The following SKA2 variants were observed in gnomAD, a reference collection of about 807,000 sequenced individuals.
SKA2 encodes the protein spindle and kinetochore associated complex subunit 2.
Under a neutral mutation model 16.9 loss-of-function variants are expected in SKA2, and 13 were observed. That is an observed-to-expected ratio of 0.77 (90% confidence interval 0.50 to 1.22). The LOEUF is 1.22. Ranked by LOEUF, SKA2 falls within the 50% of genes most tolerant of loss-of-function variation. The probability of loss-of-function intolerance (pLI) is 0.00; values close to 1 mark genes in which losing one functional copy is unlikely to be tolerated. For missense variants in SKA2, 107 were observed against 139.7 expected, an observed-to-expected ratio of 0.77 and a Z score of 1.18; for synonymous variants, 47 against 48.5, an observed-to-expected ratio of 0.97 and a Z score of 0.13.
intron 1 of SKA2, among the ~76,000 whole-genome samples, chr17:59,150,755 A>AG (rs933727598): frequency 1.1e-4 from 17 of 152,178 alleles, no homozygotes; most frequent in Non-Finnish European, 2.5e-4. Context: ...AGAAAAAAAA[A>AG]TGACTTGGGG....
chr17:59,130,629 A>C (rs2046406091), intron 2 of SKA2, among the ~76,000 whole-genome samples: 1 of 151,630 alleles, frequency 6.6e-6, no homozygotes, highest in South Asian at 2.1e-4. Context: ...TCCGTCTCAA[A>C]AAAAAAAAAA....
Position 59,111,354 on chromosome 17 carries a change from AATGTGTATGT to A in SKA2, c.*913_*922del, listed in dbSNP as rs1183004796. On this transcript the variant is annotated 3_prime_UTR_variant, in exon 4 of 4. Coordinates refer to ENST00000330137, the MANE Select transcript of SKA2 (RefSeq NM_182620.4). ...TTTCCTATTCACCTAGTACTAGCCA[AATGTGTATGT>A]ATATTGCTATTATAAACAACCCTGT... 1.3e-5 allele frequency: 2 copies of A among 152,212 alleles called. No individual in the cohort carries two copies. The highest frequency in any genetic ancestry group is 2.9e-5 in the Non-Finnish European group (2 of 68,032). The allele number at this position is 152,212 out of a possible 1,614,324, so 9.4% of individuals were successfully genotyped here.
In SKA2 at chr17:59,150,813, C is replaced by G. The variant is rs560274348; in HGVS notation, c.33+4318G>C. 4.6e-5 allele frequency among the ~76,000 whole-genome samples: 7 copies of G among 152,184 alleles called. No homozygotes were observed. In the South Asian group the frequency reaches 1.5e-3, roughly 32 times the overall value. On this transcript the variant is annotated intron_variant, in intron 1 of 3. Transcript: ENST00000330137. ...ACAGCAGAAATTGTTTCCATCACTACCAATTCATCATAAAACTCAAATAAA... is the reference window on the plus strand; with the variant it reads ...ACAGCAGAAATTGTTTCCATCACTAGCAATTCATCATAAAACTCAAATAAA...
At chr17:59,151,307 A>G in intron 1 of SKA2, 1 of 427,184 alleles carries the variant, frequency 2.3e-6, no homozygotes, top group South Asian at 1.8e-5. Context: ...GCCATTTTGG[A>G]CAGAAAAACA....
intron 2 of SKA2, chr17:59,124,479 A>T (rs988581793): frequency 2.0e-5 from 3 of 152,016 alleles, no homozygotes; most frequent in Non-Finnish European, 4.4e-5. Context: ...GGTAGGAGGG[A>T]AGAAGTCATC....
At chr17:59,134,453 A>C (rs1203044888) in intron 1 of SKA2, among the ~76,000 whole-genome samples, 1 of 152,328 alleles carries the variant, frequency 6.6e-6, no homozygotes, top group East Asian at 1.9e-4. Context: ...AGAAACCCTT[A>C]ACATGTTTAT....
chr17:59,116,166 T>A lies in SKA2; in HGVS notation c.297+3153A>T, dbSNP rs541965450. Among the ~76,000 whole-genome samples the A allele has an allele frequency of 2.0e-5, 3 of 152,094 alleles. No homozygotes were observed. The South Asian group carries it at 6.2e-4, about 32-fold the overall frequency. On this transcript the variant is annotated intron_variant, in intron 3 of 3. Coordinates refer to ENST00000330137, the MANE Select transcript of SKA2 (RefSeq NM_182620.4). ...CAGGTGGATCACTTGCAGTCAGGAGTTCGAGACCAGCCTGGCCAACTTGGT... is the reference window on the plus strand; with the variant it reads ...CAGGTGGATCACTTGCAGTCAGGAGATCGAGACCAGCCTGGCCAACTTGGT...
chr17:59,139,192 T>C (rs992501307), intron 1 of SKA2, among the ~76,000 whole-genome samples: 12 of 151,950 alleles, frequency 7.9e-5, no homozygotes, highest in Admixed American at 7.9e-4. Context: ...GGTCAGGAGA[T>C]TGAGACCATC....
chr17:59,137,161 C>T (rs1325583894), intron 1 of SKA2, among the ~76,000 whole-genome samples: 4 of 152,042 alleles, frequency 2.6e-5, no homozygotes, highest in Non-Finnish European at 5.9e-5. Flanking sequence ...GGACTACAGA[C>T]GTGCACTACC....
At chr17:59,128,385 G>A (rs1234036033) in intron 2 of SKA2, among the ~76,000 whole-genome samples, 1 of 152,010 alleles carries the variant, frequency 6.6e-6, no homozygotes, top group Non-Finnish European at 1.5e-5. Flanking sequence ...AGCACTTTGG[G>A]AGGCCGAGGA....
At chr17:59,140,161 T>C (rs2046477021) in intron 1 of SKA2, among the ~76,000 whole-genome samples, 1 of 151,932 alleles carries the variant, frequency 6.6e-6, no homozygotes, top group Non-Finnish European at 1.5e-5. Context: ...ACATGTTATT[T>C]CAGGCAATTG....
chr17:59,113,156 G>C (rs1234348587), intron 3 of SKA2, among the ~76,000 whole-genome samples: 2 of 151,832 alleles, frequency 1.3e-5, no homozygotes, highest in Non-Finnish European at 2.9e-5. Context: ...CTGGGAGGTC[G>C]AGACTGCAGT....
At chr17:59,135,927 T>C (rs2046441628) in intron 1 of SKA2, among the ~76,000 whole-genome samples, 1 of 151,626 alleles carries the variant, frequency 6.6e-6, no homozygotes, top group Non-Finnish European at 1.5e-5. Context: ...GTACTTGTAG[T>C]CCCAGTTACT....
chr17:59,112,252 G>A lies in SKA2; in HGVS notation c.*25C>T. ...TCCGGAATTAAGCTCTTCTCTGTTA[G>A]AATTTCCTTTCCAAGTCCATTTCTT... On this transcript the variant is annotated 3_prime_UTR_variant, in exon 4 of 4. Coordinates refer to ENST00000330137, the MANE Select transcript of SKA2 (RefSeq NM_182620.4). The A allele has an allele frequency of 6.3e-7, 1 of 1,586,564 alleles. No homozygotes were observed. Among genetic ancestry groups the A allele is most frequent in the Non-Finnish European group, 8.6e-7 (1 of 1,161,676 alleles).
At chr17:59,132,184 C>T (rs1289977628) in intron 1 of SKA2, among the ~76,000 whole-genome samples, 1 of 151,906 alleles carries the variant, frequency 6.6e-6, no homozygotes, top group Non-Finnish European at 1.5e-5. Flanking sequence ...GGTGAAACCT[C>T]ATCTCTACCA....
intron 1 of SKA2, among the ~76,000 whole-genome samples, chr17:59,150,106 G>A (rs961802128): frequency 1.3e-5 from 2 of 152,094 alleles, no homozygotes; most frequent in African/African-American, 4.8e-5. Context: ...GTCAAAACTC[G>A]TCAGTTCACT....
chr17:59,128,938 G>A (rs1190353387), intron 2 of SKA2, among the ~76,000 whole-genome samples: 1 of 152,106 alleles, frequency 6.6e-6, no homozygotes, highest in African/African-American at 2.4e-5. Flanking sequence ...CAATAAAGCT[G>A]CTTTTTTAAA....
chr17:59,134,643 C>T (rs907756827), intron 1 of SKA2, among the ~76,000 whole-genome samples: 2 of 151,822 alleles, frequency 1.3e-5, no homozygotes, highest in African/African-American at 4.8e-5. Context: ...CCTCTGCCTC[C>T]GGGGTTCAAG....
rs551008398 is a variant in SKA2 at position 59,141,492 on chromosome 17, G to A, written c.34-10125C>T. Reference sequence around the variant, plus strand: ...TGTAATCCTAGCACTTGGGGAGGCCGAGGCAGGTAGATCACTTGAGCCCAG... The same window carrying A: ...TGTAATCCTAGCACTTGGGGAGGCCAAGGCAGGTAGATCACTTGAGCCCAG... On this transcript the variant is annotated intron_variant, in intron 1 of 3. Coordinates refer to ENST00000330137, the MANE Select transcript of SKA2 (RefSeq NM_182620.4). Among the ~76,000 whole-genome samples the A allele has an allele frequency of 1.7e-4, 26 of 152,198 alleles. No homozygotes were observed. The South Asian group carries it at 3.9e-3, about 23-fold the overall frequency.
Sources: gnomAD v4.1 joint callset for allele counts (sites outside exome capture counted in the v4.1 genomes callset) on GRCh38, gnomAD v4.1.1 for gene constraint, MANE v1.5 for transcripts, NCBI Gene and HGNC (gene_info 2026-07-23, HGNC 2026-07-21) for gene names.